SNX29: variants seen among roughly 807,000 people sequenced by gnomAD.
SNX29 encodes the protein sorting nexin 29.
In SNX29, 78 loss-of-function variants were observed where a neutral mutation model predicts 102.1. That is an observed-to-expected ratio of 0.76 (90% CI 0.64 to 0.92). The LOEUF is 0.92. Ranked by LOEUF, SNX29 falls within the 40% of genes least tolerant of loss-of-function variation. The pLI is 0.00. For synonymous variants in SNX29, 580 were observed against 414.5 expected (o/e 1.40, Z -4.85); for missense variants, 1,280 against 1,061.7 (o/e 1.21, Z -2.86).
At chr16:12,315,600 C>G (rs979459464) in intron 15 of SNX29, among the ~76,000 whole-genome samples, 1 of 152,104 alleles carries the variant, frequency 6.6e-6, no homozygotes, top group African/African-American at 2.4e-5. Context: ...AGTGTAAAGA[C>G]ACCACAAAAA....
chr16:12,435,960 C>T (rs1487265389), intron 18 of SNX29, among the ~76,000 whole-genome samples: 1 of 152,198 alleles, frequency 6.6e-6, no homozygotes, highest in Non-Finnish European at 1.5e-5. Context: ...CCGCGCGTTA[C>T]TTCCCGTAGG....
chr16:12,190,902 T>C (rs1382292352), intron 13 of SNX29, among the ~76,000 whole-genome samples: 1 of 152,190 alleles, frequency 6.6e-6, no homozygotes, highest in Non-Finnish European at 1.5e-5. Context: ...CTTTCCCTCT[T>C]GCCCTGATGA....
chr16:12,011,502 T>C (rs8051012), intron 3 of SNX29, among the ~76,000 whole-genome samples: 62,410 of 151,736 alleles, frequency 0.41, 13,590 homozygotes, highest in Non-Finnish European at 0.48. Flanking sequence ...CTCAAACTCC[T>C]AACCTCAGGT....
At chr16:12,308,416 C>T (rs1253300613) in intron 15 of SNX29, among the ~76,000 whole-genome samples, 2 of 152,182 alleles carry the variant, frequency 1.3e-5, no homozygotes. Context: ...AGGGATCAAC[C>T]TCTTAGTAGC....
intron 15 of SNX29, among the ~76,000 whole-genome samples, chr16:12,350,983 C>T (rs1322324565): frequency 1.3e-5 from 2 of 152,192 alleles, no homozygotes; most frequent in Non-Finnish European, 2.9e-5. Flanking sequence ...CCAAAGGGAT[C>T]ATCTTCCTAC....
chr16:12,424,814 G>A (rs1425506471), intron 18 of SNX29, among the ~76,000 whole-genome samples: 1 of 152,174 alleles, frequency 6.6e-6, no homozygotes, highest in East Asian at 1.9e-4. Flanking sequence ...ACTGTGTTAA[G>A]GATTAGGTTA....
chr16:12,492,630 G>C (rs1407383031), intron 19 of SNX29, among the ~76,000 whole-genome samples: 1 of 152,130 alleles, frequency 6.6e-6, no homozygotes, highest in African/African-American at 2.4e-5. Flanking sequence ...AATGGTAATG[G>C]CTAGGTTTTC....
Position 12,569,514 on chromosome 16 carries a change from C to T in SNX29, c.*885C>T, listed in dbSNP as rs538154458. 1 of 231,694 alleles carries T rather than the reference C, an allele frequency of 4.3e-6. No individual in the cohort carries two copies. Among genetic ancestry groups the T allele is most frequent in the Non-Finnish European group, 8.5e-6 (1 of 117,158 alleles). 14.4% of individuals were successfully genotyped at this position (231,694 alleles called of 1,614,324 possible). ...GGTTCCAGGGTTTTCAAACCAGGCTCCATGACTATGAAGTTGGACCCAGTG... is the reference window on the plus strand; with the variant it reads ...GGTTCCAGGGTTTTCAAACCAGGCTTCATGACTATGAAGTTGGACCCAGTG... On this transcript the variant is annotated 3_prime_UTR_variant, in exon 21 of 21. Transcript: ENST00000566228.
intron 16 of SNX29, among the ~76,000 whole-genome samples, chr16:12,389,126 G>C (rs1255381000): frequency 6.6e-6 from 1 of 152,132 alleles, no homozygotes; most frequent in Non-Finnish European, 1.5e-5. Flanking sequence ...CCATGTTACT[G>C]TAACACTAGC....
chr16:12,476,413 CATATAT>C (rs61390803), intron 18 of SNX29, among the ~76,000 whole-genome samples: 3,850 of 19,508 alleles, frequency 0.2, 443 homozygotes, highest in Admixed American at 0.23. Context: ...TATATATATA[CATATAT>C]ATATATATAT....
At position 12,077,063 on chromosome 16, in the gene SNX29, C is replaced by T. The variant is rs117174980; in HGVS notation, c.1320-1770C>T. On this transcript the variant is annotated intron_variant, in intron 10 of 20. Coordinates refer to ENST00000566228, the MANE Select transcript of SNX29 (RefSeq NM_032167.5). ...CCAAGGTGGGAGGATTACTTGAGGC[C>T]GGGAGTTCAACACCACCAGTCTGGG... Among the ~76,000 whole-genome samples the T allele has an allele frequency of 2.2e-4, 33 of 152,178 alleles. No homozygotes were observed. In the East Asian group the frequency reaches 5.4e-3, roughly 25 times the overall value.
rs956141632 is a variant in SNX29, at chr16:12,559,974, A to G, written c.2319-8532A>G. ...AGCCTGGGCAACAGAGCAAGACTCC[A>G]CCACGAAAAAAAGATTTTGCAAGCA... On this transcript the variant is annotated intron_variant, in intron 20 of 20. Coordinates refer to ENST00000566228, the MANE Select transcript of SNX29 (RefSeq NM_032167.5). Among the ~76,000 whole-genome samples, 4 of 152,122 alleles carry G rather than the reference A, an allele frequency of 2.6e-5. No individual in the cohort carries two copies. The East Asian group carries it at 7.7e-4, about 29-fold the overall frequency.
chr16:11,990,221 C>A (rs1306795297), intron 1 of SNX29, among the ~76,000 whole-genome samples: 1 of 152,168 alleles, frequency 6.6e-6, no homozygotes, highest in Non-Finnish European at 1.5e-5. Context: ...ACATTGTTCT[C>A]ACAAGAGTAT....
intron 19 of SNX29, among the ~76,000 whole-genome samples, chr16:12,487,477 T>G (rs760818052): frequency 2.6e-5 from 4 of 152,116 alleles, no homozygotes; most frequent in Non-Finnish European, 4.4e-5. Context: ...TGAGGGGCAA[T>G]AAGCATCTTG....
chr16:12,131,080 G>T (rs991714885), intron 13 of SNX29, among the ~76,000 whole-genome samples: 1 of 152,186 alleles, frequency 6.6e-6, no homozygotes, highest in African/African-American at 2.4e-5. Flanking sequence ...CCATCAACTC[G>T]CCTGGCACGG....
At position 12,242,561 on chromosome 16, in the gene SNX29, C is replaced by T. The variant is rs914181450; in HGVS notation, c.1679-35372C>T. Among the ~76,000 whole-genome samples the T allele has an allele frequency of 6.4e-5, 9 of 140,392 alleles. No homozygotes were observed. In the South Asian group the frequency reaches 1.1e-3, roughly 17 times the overall value. 92.1% of individuals were successfully genotyped at this position (140,392 alleles called of 152,430 possible). ...GGGGTTCAGCTGTGTCTGATTTGGCCGGCTCTTTTCTTCTTCTTTTCTTCT... is the reference window on the plus strand; with the variant it reads ...GGGGTTCAGCTGTGTCTGATTTGGCTGGCTCTTTTCTTCTTCTTTTCTTCT... On this transcript the variant is annotated intron_variant, in intron 14 of 20. Transcript: ENST00000566228.
At chr16:12,538,494 TG>T (rs1202443159) in intron 20 of SNX29, among the ~76,000 whole-genome samples, 1 of 152,184 alleles carries the variant, frequency 6.6e-6, no homozygotes, top group Non-Finnish European at 1.5e-5. Context: ...CATACATCTA[TG>T]ATACTTTGTT....
In SNX29 at chr16:12,386,769, G is replaced by C. The variant is rs532854814; in HGVS notation, c.1900-11677G>C. Among the ~76,000 whole-genome samples, 15 of 152,250 alleles carry C rather than the reference G, an allele frequency of 9.9e-5. No individual in the cohort carries two copies. In the East Asian group the frequency reaches 2.9e-3, roughly 29 times the overall value. ...ACTGTTAATAAGAAAAGAGTTGAAG[G>C]GTGAAAAATTAAACAAAAAAAGGCC... On this transcript the variant is annotated intron_variant, in intron 16 of 20. Coordinates refer to ENST00000566228, the MANE Select transcript of SNX29 (RefSeq NM_032167.5).
intron 20 of SNX29, among the ~76,000 whole-genome samples, chr16:12,536,976 T>G (rs1295232293): frequency 6.7e-6 from 1 of 148,624 alleles, no homozygotes; most frequent in Non-Finnish European, 1.5e-5. Flanking sequence ...AGAGAACCCG[T>G]CTTAAAAAAA....
Sources: allele counts gnomAD v4.1 joint callset (sites outside exome capture counted in the v4.1 genomes callset), GRCh38; gene constraint gnomAD v4.1.1; transcripts MANE v1.5; gene names NCBI Gene and HGNC (gene_info 2026-07-23, HGNC 2026-07-21).